Variants in MECOM observed in about 807,000 individuals in gnomAD.
MECOM encodes MDS1 and EVI1 complex locus.
MECOM carries 13 observed loss-of-function variants against 116.3 expected under a neutral mutation model. That is an observed-to-expected ratio of 0.11 (90% CI 0.07 to 0.18). MECOM has a LOEUF of 0.18. MECOM is among the 10% of genes least tolerant of loss of function. The pLI is 1.00. For missense variants in MECOM, 1,299 were observed against 1,509.0 expected (o/e 0.86, Z 2.31); for synonymous variants, 528 against 535.2 (o/e 0.99, Z 0.19).
At chr3:169,245,791 T>C (rs1265157992) in intron 2 of MECOM, among the ~76,000 whole-genome samples, 3 of 152,204 alleles carry the variant, frequency 2.0e-5, no homozygotes, top group African/African-American at 7.2e-5. Context: ...CTTGAATTAA[T>C]TTACCCTATA....
intron 2 of MECOM, among the ~76,000 whole-genome samples, chr3:169,252,858 A>G (rs770884496): frequency 2.0e-5 from 3 of 152,056 alleles, no homozygotes; most frequent in Admixed American, 6.6e-5. Context: ...TCAATATCTT[A>G]CTCTATTCTC....
At chr3:169,234,201 G>T (rs1753751315) in intron 2 of MECOM, among the ~76,000 whole-genome samples, 1 of 151,784 alleles carries the variant, frequency 6.6e-6, no homozygotes, top group South Asian at 2.1e-4. Flanking sequence ...AGGCTGAAAA[G>T]GTGAGTTTCT....
intron 1 of MECOM, among the ~76,000 whole-genome samples, chr3:169,506,100 C>T (rs944417619): frequency 7.9e-5 from 12 of 152,216 alleles, no homozygotes; most frequent in African/African-American, 2.4e-5. Context: ...CTGTTAATTG[C>T]TCTCTCGTGG....
chr3:169,284,794 C>T (rs1361013885), intron 2 of MECOM, among the ~76,000 whole-genome samples: 1 of 152,142 alleles, frequency 6.6e-6, no homozygotes, highest in Non-Finnish European at 1.5e-5. Context: ...ATAATAACTA[C>T]AAAATTCTTA....
intron 2 of MECOM, among the ~76,000 whole-genome samples, chr3:169,183,761 T>TACACACAC (rs71166249): frequency 8.4e-5 from 10 of 118,730 alleles, no homozygotes; most frequent in South Asian, 3.1e-4. Context: ...GATACATACA[T>TACACACAC]ACACACACAC....
intron 1 of MECOM, among the ~76,000 whole-genome samples, chr3:169,437,867 G>A (rs1459556338): frequency 6.6e-6 from 1 of 152,144 alleles, no homozygotes; most frequent in African/African-American, 2.4e-5. Flanking sequence ...TAATTGCAAT[G>A]TCATATATAG....
chr3:169,556,695 C>T (rs1398284889), intron 1 of MECOM, among the ~76,000 whole-genome samples: 2 of 152,120 alleles, frequency 1.3e-5, no homozygotes, highest in Admixed American at 1.3e-4. Flanking sequence ...CACATCACTC[C>T]CTTGAGGGGA....
intron 2 of MECOM, among the ~76,000 whole-genome samples, chr3:169,163,992 G>T (rs965274735): frequency 6.6e-6 from 1 of 152,088 alleles, no homozygotes; most frequent in East Asian, 1.9e-4. Flanking sequence ...TTTTGCCAAG[G>T]CTCAATCTTA....
At chr3:169,647,023 T>C (rs192695845) in intron 1 of MECOM, among the ~76,000 whole-genome samples, 18 of 152,378 alleles carry the variant, frequency 1.2e-4, no homozygotes, top group Admixed American at 4.6e-4. Context: ...CTAAGAGTTG[T>C]ATGAAATCAT....
intron 2 of MECOM, among the ~76,000 whole-genome samples, chr3:169,371,302 A>G (rs1730067704): frequency 1.3e-5 from 2 of 152,126 alleles, no homozygotes; most frequent in African/African-American, 4.8e-5. Flanking sequence ...TGTGGAATCT[A>G]AAGTAAAAAA....
intron 2 of MECOM, among the ~76,000 whole-genome samples, chr3:169,263,163 C>T (rs1441875223): frequency 8.2e-6 from 1 of 122,136 alleles, no homozygotes; most frequent in Non-Finnish European, 1.6e-5. Context: ...GAGTCTCGCT[C>T]TGTCACCCAG....
chr3:169,253,900 G>T (rs1756550566), intron 2 of MECOM, among the ~76,000 whole-genome samples: 1 of 151,960 alleles, frequency 6.6e-6, no homozygotes, highest in African/African-American at 2.4e-5. Flanking sequence ...ATTCTTATTA[G>T]ATTAAATTGA....
chr3:169,181,662 G>C (rs1745982457), intron 2 of MECOM, among the ~76,000 whole-genome samples: 1 of 152,310 alleles, frequency 6.6e-6, no homozygotes, highest in Middle Eastern at 3.4e-3. Flanking sequence ...AAAAGTACCA[G>C]AGATGTGTCA....
rs888273048 is a variant in MECOM at position 169,409,812 on chromosome 3, C to T, written c.38-28288G>A. ...TGGATTCATGAGACAGAAGAGCATG[C>T]ATCCATTGAAGCTAGGCTGATCATT... On this transcript the variant is annotated intron_variant, in intron 1 of 16. Coordinates refer to ENST00000651503, the MANE Select transcript of MECOM (RefSeq NM_004991.4). 3.7e-4 allele frequency among the ~76,000 whole-genome samples: 57 copies of T among 152,162 alleles called. 2 individuals carry two copies. The highest frequency in any genetic ancestry group is 3.5e-3 in the Admixed American group (53 of 15,276).
chr3:169,379,110 C>T (rs529896751), intron 2 of MECOM, among the ~76,000 whole-genome samples: 9 of 151,216 alleles, frequency 6.0e-5, no homozygotes, highest in Admixed American at 2.0e-4. Context: ...TGAGAAAGTG[C>T]CCTTGCTAAT....
intron 2 of MECOM, among the ~76,000 whole-genome samples, chr3:169,153,518 A>G (rs1355102149): frequency 6.6e-6 from 1 of 152,204 alleles, no homozygotes; most frequent in Admixed American, 6.5e-5. Context: ...CCTCAACTCT[A>G]TAAGGAATTC....
chr3:169,355,075 T>C (rs1454274844), intron 2 of MECOM, among the ~76,000 whole-genome samples: 1 of 151,964 alleles, frequency 6.6e-6, no homozygotes, highest in Non-Finnish European at 1.5e-5. Context: ...AGTTGCAGCA[T>C]TCAATTTGTC....
chr3:169,657,769 T>C (rs1775707922), intron 1 of MECOM, among the ~76,000 whole-genome samples: 1 of 152,270 alleles, frequency 6.6e-6, no homozygotes, highest in African/African-American at 2.4e-5. Context: ...GAGCAATATG[T>C]CACACTTTTG....
At chr3:169,107,272 G>C in intron 10 of MECOM, among the ~76,000 whole-genome samples, 1 of 152,052 alleles carries the variant, frequency 6.6e-6, no homozygotes, top group Non-Finnish European at 1.5e-5. Context: ...AACTAAATAA[G>C]CAGTATTCTT....
Sources: gnomAD v4.1 joint callset for allele counts (sites outside exome capture counted in the v4.1 genomes callset) on GRCh38, gnomAD v4.1.1 for gene constraint, MANE v1.5 for transcripts, NCBI Gene and HGNC (gene_info 2026-07-23, HGNC 2026-07-21) for gene names.